MS4A6A: variants seen among roughly 807,000 people sequenced by gnomAD.
MS4A6A encodes membrane-spanning 4-domains subfamily A member 6A.
MS4A6A carries 19 observed loss-of-function variants against 20.6 expected under a neutral mutation model. The observed-to-expected ratio is 0.92, with a 90% confidence interval of 0.64 to 1.36. The LOEUF (loss-of-function observed/expected upper bound fraction) is 1.36, where lower values mean the gene tolerates loss of function less well. Among genes scored for constraint, MS4A6A ranks in the 40% most tolerant of loss-of-function variants. MS4A6A has a pLI of 0.00. For synonymous variants in MS4A6A, 108 were observed against 105.0 expected (o/e 1.03, Z -0.17); for missense variants, 272 against 261.1 (o/e 1.04, Z -0.29).
rs1384682126 is a variant in MS4A6A, at chr11:60,181,650, T to A, written c.78A>T (p.Lys26Asn). Reference sequence around the variant, plus strand: ...CCTGCCCCTGGTTGGTGGGTTCGGGTTTCTCTGCTTGGGAGAAGTTGATGA... The same window carrying A: ...CCTGCCCCTGGTTGGTGGGTTCGGGATTCTCTGCTTGGGAGAAGTTGATGA... Reference protein sequence around the residue: ...SNVINFSQAEKPEPTNQGQDS... With the variant: ...SNVINFSQAENPEPTNQGQDS... The change falls in exon 2 of 6, where the codon AAA (lysine) becomes AAT (asparagine). Residue 26 changes from lysine to asparagine, a missense_variant. Coordinates refer to ENST00000528851, the MANE Select transcript of MS4A6A (RefSeq NM_022349.4). 1.2e-6 allele frequency: 2 copies of A among 1,614,052 alleles called. No individual in the cohort carries two copies. Among genetic ancestry groups the A allele is most frequent in the African/African-American group, 2.7e-5 (2 of 74,930 alleles).
chr11:60,180,029 C>T (rs189938105), intron 2 of MS4A6A, 64 bp from the exon 3 acceptor site: 22 of 1,532,628 alleles, frequency 1.4e-5, no homozygotes, highest in Middle Eastern at 3.5e-4. Flanking sequence ...GGCCTTTTTG[C>T]CGCTCCCATG....
At chr11:60,172,095 A>G, downstream of MS4A6A, 4 of 1,513,442 alleles carry the variant, frequency 2.6e-6, no homozygotes, top group East Asian at 4.5e-5. Context: ...CTTTTCTATA[A>G]TGGTTAACTT....
In MS4A6A at chr11:60,183,038, C is replaced by T. The variant is rs1001389969; in HGVS notation, c.-75G>A. The T allele has an allele frequency of 8.9e-5, 128 of 1,445,568 alleles. No individual in the cohort carries two copies. Among genetic ancestry groups the T allele is most frequent in the Non-Finnish European group, 1.1e-4 (120 of 1,107,488 alleles). The allele number at this position is 1,445,568 out of a possible 1,614,324, so 89.5% of individuals were successfully genotyped here. ...TCCAAAGAGGTTTTAACTCTGGTTT[C>T]TCAGTCCCATCAACGGTTTCTACTT... On this transcript the variant is annotated 5_prime_UTR_variant, in exon 1 of 6. Transcript: ENST00000528851.
chr11:60,174,333 T>G (rs1454384533), intron 5 of MS4A6A, among the ~76,000 whole-genome samples: 2 of 151,558 alleles, frequency 1.3e-5, no homozygotes, highest in African/African-American at 4.8e-5. Context: ...TTCCTTTTTT[T>G]TTTTTTTTGA....
At chr11:60,172,190 C>A, downstream of MS4A6A, 1 of 1,613,352 alleles carries the variant, frequency 6.2e-7, no homozygotes, top group South Asian at 1.1e-5. Flanking sequence ...TATCCACAGT[C>A]ATGAGTCATT....
chr11:60,174,501 C>T (rs947007573), intron 5 of MS4A6A, among the ~76,000 whole-genome samples: 1 of 151,754 alleles, frequency 6.6e-6, no homozygotes, highest in Admixed American at 6.6e-5. Flanking sequence ...AGTTTTTGTA[C>T]TTTTAGTAGA....
intron 1 of MS4A6A, chr11:60,182,583 C>T (rs2083804929): frequency 6.6e-6 from 1 of 152,384 alleles, no homozygotes; most frequent in African/African-American, 2.4e-5. Flanking sequence ...GGACTCATAA[C>T]ACATAGGCTC....
chr11:60,175,599 G>C lies in MS4A6A; in HGVS notation c.352C>G (p.Leu118Val). ...AGAGCACTCAGAATGCTTCCAACCA[G>C]GCTGCTATGCACCTGAAAGAGAAAT... ...RLTKLLVHSS[L>V]VGSILSALSA... The change falls in exon 5 of 6, where the codon CTG (leucine) becomes GTG (valine). Residue 118 changes from leucine to valine, a missense_variant. Leu to Val is a conservative substitution (Grantham distance 32). Coordinates refer to ENST00000528851, the MANE Select transcript of MS4A6A (RefSeq NM_022349.4). 1 of 1,613,350 alleles carries C rather than the reference G, an allele frequency of 6.2e-7. No homozygotes were observed. The highest frequency in any genetic ancestry group is 8.5e-7 in the Non-Finnish European group (1 of 1,179,980).
intron 5 of MS4A6A, among the ~76,000 whole-genome samples, 197 bp from the exon 6 acceptor site, chr11:60,173,326 G>C (rs896926414): frequency 6.6e-6 from 1 of 152,136 alleles, no homozygotes; most frequent in African/African-American, 2.4e-5. Context: ...TCCTTGAGAG[G>C]AGAAAGGGAG....
intron 3 of MS4A6A, among the ~76,000 whole-genome samples, chr11:60,179,325 T>C (rs940879466): frequency 1.3e-5 from 2 of 152,172 alleles, no homozygotes; most frequent in Admixed American, 1.3e-4. Context: ...TGTCAATCAC[T>C]GGGCATAGAT....
Position 60,172,797 on chromosome 11 carries a change from C to A in MS4A6A, c.*204G>T. 1 of 1,348,980 alleles carries A rather than the reference C, an allele frequency of 7.4e-7. No individual in the cohort carries two copies. Among genetic ancestry groups the A allele is most frequent in the East Asian group, 3.0e-5 (1 of 32,878 alleles). 83.6% of individuals were successfully genotyped at this position (1,348,980 alleles called of 1,614,324 possible). On this transcript the variant is annotated 3_prime_UTR_variant, in exon 6 of 6. Transcript: ENST00000528851. ...CGCTGACAAAATAGGAAGATTGAAT[C>A]AGTTGATTTCTCATGATTAACTATT...
chr11:60,175,666 G>A (rs2134771396), intron 4 of MS4A6A, 55 bp from the exon 5 acceptor site: 1 of 1,554,282 alleles, frequency 6.4e-7, no homozygotes, highest in Non-Finnish European at 8.9e-7. Flanking sequence ...AATCTGTTAT[G>A]CATCTTTGCC....
upstream of MS4A6A, chr11:60,183,198 A>T (rs1313766599): frequency 2.0e-6 from 3 of 1,535,442 alleles, no homozygotes; most frequent in African/African-American, 2.7e-5. Context: ...CAACTTCAGT[A>T]AAACCATGAA....
At chr11:60,182,136 T>C (rs1857166382) in intron 1 of MS4A6A, among the ~76,000 whole-genome samples, 1 of 152,234 alleles carries the variant, frequency 6.6e-6, no homozygotes, top group Non-Finnish European at 1.5e-5. Context: ...TATTTCTTGT[T>C]TAATAATACT....
At chr11:60,179,039 G>A (rs1432986336) in intron 3 of MS4A6A, among the ~76,000 whole-genome samples, 2 of 152,050 alleles carry the variant, frequency 1.3e-5, no homozygotes, top group Non-Finnish European at 2.9e-5. Flanking sequence ...GTCATTTGGG[G>A]AAAACCAATG....
chr11:60,183,769 A>G (rs1199060680), upstream of MS4A6A: 1 of 152,420 alleles, frequency 6.6e-6, no homozygotes, highest in Non-Finnish European at 1.5e-5. Flanking sequence ...CTAACAACAG[A>G]TCTTTGCCCT....
In MS4A6A at chr11:60,180,168, G is replaced by T. The variant is rs577283728; in HGVS notation, c.148-203C>A. 216 of 596,586 alleles carry T rather than the reference G, an allele frequency of 3.6e-4. 2 individuals carry two copies. The South Asian group carries it at 4.3e-3, about 12-fold the overall frequency. 37.0% of individuals were successfully genotyped at this position (596,586 alleles called of 1,614,324 possible). On this transcript the variant is annotated intron_variant, in intron 2 of 5. Transcript: ENST00000528851. The stretch of plus-strand genomic sequence containing the variant: ...TCTGCCACAGAAGCCACAGTCTCAG[G>T]TGTCTGGCAGGTGCTCAGGAAGGCT...
At position 60,173,015 on chromosome 11, in the gene MS4A6A, C is replaced by A. The variant is rs772374894; in HGVS notation, c.664G>T (p.Ala222Ser). Residue 222 changes from alanine (A) to serine (S), a missense_variant, in exon 6 of 6, where the codon GCC (alanine) becomes TCC (serine). By Grantham distance (99) the Ala-to-Ser change is moderately conservative. Transcript: ENST00000528851. ...ACTAGGCAAGGTTAAGTGAAGCCGG[C>A]CAGCACACTCACCCCAGGGAAGTCA... Reference protein sequence around the residue: ...YSDFPGVSVLAGFT With the variant: ...YSDFPGVSVLSGFT The A allele has an allele frequency of 4.3e-6, 7 of 1,613,876 alleles. No individual in the cohort carries two copies. Among genetic ancestry groups the A allele is most frequent in the Non-Finnish European group, 5.9e-6 (7 of 1,179,936 alleles).
chr11:60,183,466 A>G (rs1565107020), upstream of MS4A6A: 1 of 365,574 alleles, frequency 2.7e-6, no homozygotes, highest in Non-Finnish European at 5.0e-6. Context: ...AGTAATCATA[A>G]TATAGAGAAA....
Sources: allele counts gnomAD v4.1 joint callset (sites outside exome capture counted in the v4.1 genomes callset), GRCh38; gene constraint gnomAD v4.1.1; transcripts MANE v1.5; gene names NCBI Gene and HGNC (gene_info 2026-07-23, HGNC 2026-07-21).